The following GPBP1 variants were observed in gnomAD, a reference collection of about 807,000 sequenced individuals.
GPBP1 encodes the protein vasculin.
Under a neutral mutation model 56.5 loss-of-function variants are expected in GPBP1, and 13 were observed. The ratio of observed to expected loss-of-function variants is 0.23; its 90% CI spans 0.15 to 0.37. The LOEUF is 0.37. GPBP1 is among the 10% of genes least tolerant of loss of function. GPBP1 has a pLI of 1.00. For missense variants in GPBP1, 477 were observed against 572.3 expected (o/e 0.83, Z 1.70); for synonymous variants, 204 against 188.9 (o/e 1.08, Z -0.66).
intron 2 of GPBP1, among the ~76,000 whole-genome samples, chr5:57,193,188 G>A (rs1341685069): frequency 6.6e-6 from 1 of 151,848 alleles, no homozygotes; most frequent in African/African-American, 2.4e-5. Context: ...ATGGTGGTGG[G>A]TGCCTGTAAT....
intron 2 of GPBP1, among the ~76,000 whole-genome samples, chr5:57,188,051 T>A (rs990422681): frequency 2.0e-5 from 3 of 152,068 alleles, no homozygotes; most frequent in Non-Finnish European, 2.9e-5. Flanking sequence ...GAGACCAGCC[T>A]GGTCAACATA....
At chr5:57,204,624 AGT>A (rs2111715270) in intron 2 of GPBP1, among the ~76,000 whole-genome samples, 1 of 152,272 alleles carries the variant, frequency 6.6e-6, no homozygotes, top group Admixed American at 6.5e-5. Context: ...CAGTTATGTT[AGT>A]GTCTCTCAGG....
rs140870721 is a variant in GPBP1, at chr5:57,206,771, T to C, written c.-57-7303T>C. 2.8e-3 allele frequency among the ~76,000 whole-genome samples: 422 copies of C among 152,318 alleles called. 2 individuals carry two copies. Among genetic ancestry groups the C allele is most frequent in the African/African-American group, 9.6e-3 (401 of 41,568 alleles). On this transcript the variant is annotated intron_variant, in intron 2 of 11. Transcript: ENST00000506184. ...AAGACAATTCCGTATTGAATCATCT[T>C]AGCACTCTTGTTGAAAATAACTTGG...
chr5:57,256,585 G>A (rs1741673896), intron 10 of GPBP1, among the ~76,000 whole-genome samples: 1 of 151,920 alleles, frequency 6.6e-6, no homozygotes, highest in African/African-American at 2.4e-5. Flanking sequence ...TGAAGATGAA[G>A]GGGGCAAACA....
At chr5:57,216,345 T>G (rs1438555412) in intron 3 of GPBP1, among the ~76,000 whole-genome samples, 1 of 151,922 alleles carries the variant, frequency 6.6e-6, no homozygotes, top group Non-Finnish European at 1.5e-5. Flanking sequence ...GTGGGGAGGG[T>G]AGCTGGTTGT....
chr5:57,190,395 G>T (rs566933562), intron 2 of GPBP1, among the ~76,000 whole-genome samples: 1 of 151,984 alleles, frequency 6.6e-6, no homozygotes, highest in Admixed American at 6.6e-5. Flanking sequence ...GACCAGCCTG[G>T]CCAACACGGT....
chr5:57,250,940 T>A lies in GPBP1; in HGVS notation c.973-14T>A. 6.9e-7 allele frequency: 1 copy of A among 1,438,854 alleles called. No individual in the cohort carries two copies. The highest frequency in any genetic ancestry group is 9.5e-7 in the Non-Finnish European group (1 of 1,058,150). The allele number at this position is 1,438,854 out of a possible 1,614,324, so 89.1% of individuals were successfully genotyped here. A position where few individuals can be genotyped will look rare whatever the true frequency, so the allele number is the denominator to read the frequency against. On this transcript the variant is annotated splice_polypyrimidine_tract_variant and intron_variant, in intron 9 of 11. Transcript: ENST00000506184. ...ACTCATTCTTTTTTTTTTTTTTAAC[T>A]CTCTAAAAATCAGGATGACGACTCA...
At chr5:57,251,810 T>A (rs1035916690) in intron 10 of GPBP1, among the ~76,000 whole-genome samples, 12 of 152,180 alleles carry the variant, frequency 7.9e-5, no homozygotes, top group African/African-American at 2.9e-4. Flanking sequence ...ATCAGCAATA[T>A]AGAAGGTTCT....
intron 3 of GPBP1, among the ~76,000 whole-genome samples, chr5:57,229,927 C>G (rs1580048980): frequency 6.9e-6 from 1 of 144,300 alleles, no homozygotes; most frequent in African/African-American, 2.7e-5. Flanking sequence ...CTTCCCATCC[C>G]GTTGCATCGC....
rs764479276 is a variant in GPBP1, at chr5:57,223,045, T to A, written c.64-7801T>A. Among the ~76,000 whole-genome samples the A allele has an allele frequency of 1.5e-4, 23 of 151,316 alleles. No homozygotes were observed. The East Asian group carries it at 3.5e-3, about 23-fold the overall frequency. Reference sequence around the variant, plus strand: ...TGTTTGACTATATTTTTTATTAAAATTTTTTTTTTCATATGGCGCCCCAGA... The same window carrying A: ...TGTTTGACTATATTTTTTATTAAAAATTTTTTTTTCATATGGCGCCCCAGA... On this transcript the variant is annotated intron_variant, in intron 3 of 11. Transcript: ENST00000506184.
chr5:57,254,281 C>G (rs796843245), intron 10 of GPBP1, among the ~76,000 whole-genome samples: 3 of 152,294 alleles, frequency 2.0e-5, no homozygotes, highest in African/African-American at 7.2e-5. Context: ...CTTTATCTTT[C>G]TGTCTTTAAT....
At chr5:57,188,117 G>A (rs1036593924) in intron 2 of GPBP1, among the ~76,000 whole-genome samples, 3 of 151,694 alleles carry the variant, frequency 2.0e-5, no homozygotes, top group Non-Finnish European at 4.4e-5. Context: ...GATTGTGCAC[G>A]CCTGTAGTCC....
rs1742034636 is a variant in GPBP1, at chr5:57,264,505, T to C, written c.*1753T>C. The C allele has an allele frequency of 6.6e-6, 1 of 152,224 alleles. No individual in the cohort carries two copies. The highest frequency in any genetic ancestry group is 2.1e-4 in the South Asian group (1 of 4,834). The allele number at this position is 152,224 out of a possible 1,614,324, so 9.4% of individuals were successfully genotyped here. A position where few individuals can be genotyped will look rare whatever the true frequency, so the allele number is the denominator to read the frequency against. Reference sequence around the variant, plus strand: ...TTGAGATCCACCTTACTGTGTTTTCTACTTTCAGAAAAGATTCTGTAGTTT... The same window carrying C: ...TTGAGATCCACCTTACTGTGTTTTCCACTTTCAGAAAAGATTCTGTAGTTT... On this transcript the variant is annotated 3_prime_UTR_variant, in exon 12 of 12. Coordinates refer to ENST00000506184, the MANE Select transcript of GPBP1 (RefSeq NM_022913.4).
chr5:57,250,115 A>G (rs1321287583), intron 9 of GPBP1, among the ~76,000 whole-genome samples: 2 of 147,632 alleles, frequency 1.4e-5, no homozygotes, highest in African/African-American at 5.0e-5. Context: ...AGCTGGGACT[A>G]TATTTATGTG....
At chr5:57,243,394 G>A (rs1193509939) in intron 6 of GPBP1, among the ~76,000 whole-genome samples, 2 of 151,860 alleles carry the variant, frequency 1.3e-5, no homozygotes, top group Non-Finnish European at 2.9e-5. Flanking sequence ...GCACAATAAC[G>A]GTATATCCCT....
chr5:57,199,645 T>C (rs910719148), intron 2 of GPBP1, among the ~76,000 whole-genome samples: 1 of 152,162 alleles, frequency 6.6e-6, no homozygotes, highest in Non-Finnish European at 1.5e-5. Context: ...GCTGCACCCA[T>C]TAACTCGTCA....
In GPBP1 at chr5:57,231,122, A is replaced by T; in HGVS notation, c.212A>T (p.Asn71Ile). ...GGTAACTTTGGAAGGAAAGAAAAAA[A>T]TGGATGGCGTACACATGGAAGAAAT... ...NGGNFGRKEK[N>I]GWRTHGRNGT... Residue 71 changes from asparagine (N) to isoleucine (I), a missense_variant, in exon 5 of 12, where the codon AAT becomes ATT. Transcript: ENST00000506184. 6.2e-7 allele frequency: 1 copy of T among 1,613,200 alleles called. No homozygotes were observed.
rs754177768 is a variant in GPBP1, at chr5:57,251,061, A to G, written c.1080A>G (p.Ser360=). ...NEIPQENGNA[S]VISQQIIRSS... ...TTCCTCAAGAGAATGGCAATGCCTC[A>G]GTGATTTCCCAGCAGATCATTCGGT... The change falls in exon 10 of 12, where the codon TCA becomes TCG. Residue 360 remains serine (S), a synonymous_variant. Transcript: ENST00000506184. 10 of 1,613,500 alleles carry G rather than the reference A, an allele frequency of 6.2e-6. No homozygotes were observed. The East Asian group carries it at 1.8e-4, about 29-fold the overall frequency.
intron 2 of GPBP1, among the ~76,000 whole-genome samples, chr5:57,183,765 A>ATTTTTTTTTTTTT (rs34608817): frequency 1.5e-5 from 2 of 133,282 alleles, no homozygotes; most frequent in Non-Finnish European, 3.1e-5. Context: ...GGGGATATGA[A>ATTTTTTTTTTTTT]TTTTTTTTTT....
Sources: allele counts gnomAD v4.1 joint callset (sites outside exome capture counted in the v4.1 genomes callset), GRCh38; gene constraint gnomAD v4.1.1; transcripts MANE v1.5; gene names NCBI Gene and HGNC (gene_info 2026-07-23, HGNC 2026-07-21).